PNLIPRP1: variants seen among roughly 807,000 people sequenced by gnomAD.
PNLIPRP1 encodes the protein inactive pancreatic lipase-related protein 1.
In PNLIPRP1, 57 loss-of-function variants were observed where a neutral mutation model predicts 54.6. That is an observed-to-expected ratio of 1.04 (90% CI 0.84 to 1.30). The LOEUF is 1.30. Among genes scored for constraint, PNLIPRP1 ranks in the 50% most tolerant of loss-of-function variants. The probability of loss-of-function intolerance (pLI) is 0.00; values close to 1 mark genes in which losing one functional copy is unlikely to be tolerated. For synonymous variants in PNLIPRP1, 232 were observed against 208.8 expected, an observed-to-expected ratio of 1.11 and a Z score of -0.96; for missense variants, 567 against 568.5, an observed-to-expected ratio of 1.00 and a Z score of 0.03.
intron 10 of PNLIPRP1, among the ~76,000 whole-genome samples, chr10:116,602,571 G>C (rs542237015): frequency 6.6e-6 from 1 of 152,336 alleles, no homozygotes; most frequent in African/African-American, 2.4e-5. Flanking sequence ...AACTACAAGC[G>C]TGTTGGGCTT....
chr10:116,594,799 A>G lies in PNLIPRP1; in HGVS notation c.400A>G (p.Thr134Ala), dbSNP rs1847706041. The G allele has an allele frequency of 6.2e-7, 1 of 1,614,120 alleles. No homozygotes were observed. Among genetic ancestry groups the G allele is most frequent in the African/African-American group, 1.3e-5 (1 of 75,042 alleles). ...DWKKGSQATY[T>A]QAANNVRVVG... is the part of the protein sequence containing the mutation. ...GAAGAAGGGCTCCCAAGCCACCTAC[A>G]CACAGGCTGCCAACAACGTGCGAGT... Residue 134 changes from threonine to alanine, a missense_variant, in exon 5 of 13, where the codon ACA becomes GCA. Thr to Ala is a moderately conservative substitution (Grantham distance 58). Transcript: ENST00000358834.
intron 8 of PNLIPRP1, among the ~76,000 whole-genome samples, chr10:116,599,256 GAAAATAAAATAAAATAAAATAAAAT>G (rs10640431): frequency 3.0e-5 from 4 of 133,842 alleles, no homozygotes; most frequent in African/African-American, 5.7e-5. Flanking sequence ...ACTCCATCTC[GAAAATAAAATAAAATAAAATAAAAT>G]AAAATAAAAT....
At chr10:116,591,535 T>C (rs1564734436) in intron 2 of PNLIPRP1, among the ~76,000 whole-genome samples, 1 of 152,110 alleles carries the variant, frequency 6.6e-6, no homozygotes, top group Admixed American at 6.5e-5. Context: ...GTTTTGAGGG[T>C]AGTTCTAAAC....
rs1554863214 is a variant in PNLIPRP1, at chr10:116,591,839, A to AG, written c.120dup (p.Pro41AlafsTer10). On this transcript the variant is annotated frameshift_variant, in exon 3 of 13. Coordinates refer to ENST00000358834, the MANE Select transcript of PNLIPRP1 (RefSeq NM_006229.4). LOFTEE classifies it high-confidence loss of function. ...TGAGCCCTGGGGCGGGACAGCAATC[A>AG]GGCCCCTGAAAATTCTCCCCTGGAG... The AG allele has an allele frequency of 6.8e-6, 11 of 1,614,196 alleles. No individual in the cohort carries two copies. The East Asian group carries it at 2.5e-4, about 36-fold the overall frequency.
intron 8 of PNLIPRP1, among the ~76,000 whole-genome samples, chr10:116,599,147 C>T (rs2915762): frequency 0.42 from 63,368 of 151,662 alleles, 14,635 homozygotes; most frequent in Non-Finnish European, 0.51. Flanking sequence ...TCCAGCTGCT[C>T]GAGAGGCTGA....
chr10:116,598,714 G>A (rs1847778767), intron 8 of PNLIPRP1, among the ~76,000 whole-genome samples: 1 of 152,200 alleles, frequency 6.6e-6, no homozygotes, highest in South Asian at 2.1e-4. Context: ...ACTGCTATTG[G>A]ATGTGGTTAT....
chr10:116,591,072 G>A (rs186721956), intron 1 of PNLIPRP1, 58 bp from the exon 2 acceptor site: 50 of 1,388,442 alleles, frequency 3.6e-5, no homozygotes, highest in Admixed American at 3.2e-4. Flanking sequence ...CCAGGGCGTC[G>A]GTGCTCACTG....
At chr10:116,591,032 A>G (rs1267470596) in intron 1 of PNLIPRP1, 37 bp downstream of exon 1, 2 of 865,344 alleles carry the variant, frequency 2.3e-6, no homozygotes, top group South Asian at 1.5e-5. Context: ...CCCTGCTGTG[A>G]CGTACAGGTG....
intron 10 of PNLIPRP1, among the ~76,000 whole-genome samples, chr10:116,603,015 T>C (rs1213313188): frequency 1.3e-5 from 2 of 152,166 alleles, no homozygotes; most frequent in South Asian, 2.1e-4. Context: ...TGTGTATATG[T>C]ATTGTGTGTG....
chr10:116,601,250 C>T (rs782696649), intron 10 of PNLIPRP1, 49 bp downstream of exon 10: 93 of 1,550,358 alleles, frequency 6.0e-5, no homozygotes, highest in Non-Finnish European at 7.6e-5. Context: ...TATATAGTTT[C>T]TGTTACAAAT....
intron 8 of PNLIPRP1, 150 bp from the exon 9 acceptor site, chr10:116,599,897 T>C (rs1847802608): frequency 1.5e-6 from 1 of 676,994 alleles, no homozygotes; most frequent in South Asian, 1.7e-5. Context: ...CTCTATATGT[T>C]AATTGTCATT....
rs782732313 is a variant in PNLIPRP1, at chr10:116,592,540, A to G, written c.329A>G (p.Lys110Arg). The G allele has an allele frequency of 6.2e-7, 1 of 1,614,154 alleles. No individual in the cohort carries two copies. The highest frequency in any genetic ancestry group is 8.5e-7 in the Non-Finnish European group (1 of 1,180,010). ...GAGAGCTGGGTGACAGACATGTGCA[A>G]GGTAGGAGCCAGCTCTGATCCCTGT... ...GDESWVTDMCKKLFEVEEVNC... is the reference protein window; with the variant it reads ...GDESWVTDMCRKLFEVEEVNC... Residue 110 changes from lysine to arginine, a missense_variant and splice_region_variant, in exon 4 of 13, where the codon AAG (lysine) becomes AGG (arginine). Coordinates refer to ENST00000358834, the MANE Select transcript of PNLIPRP1 (RefSeq NM_006229.4).
intron 8 of PNLIPRP1, 63 bp from the exon 9 acceptor site, chr10:116,599,984 G>A (rs1352719433): frequency 1.0e-6 from 1 of 987,354 alleles, no homozygotes. Context: ...TTTGGAGAGA[G>A]AGGCAGAGAA....
intron 1 of PNLIPRP1, 26 bp from the exon 2 acceptor site, chr10:116,591,104 C>G (rs1270648013): frequency 6.2e-7 from 1 of 1,606,822 alleles, no homozygotes; most frequent in East Asian, 2.2e-5. Context: ...CCCGGTGAGA[C>G]TGAATTATGT....
chr10:116,599,070 C>T (rs1004262396), intron 8 of PNLIPRP1, among the ~76,000 whole-genome samples: 5 of 152,058 alleles, frequency 3.3e-5, no homozygotes, highest in African/African-American at 9.6e-5. Context: ...GCTTGGCCAA[C>T]ATGGTAAAAC....
In PNLIPRP1 at chr10:116,601,125, T is replaced by G. The variant is rs782680461; in HGVS notation, c.987T>G (p.Ala329=). The change falls in exon 10 of 13, where the codon GCT becomes GCG. Residue 329 remains alanine (A), a synonymous_variant. Coordinates refer to ENST00000358834, the MANE Select transcript of PNLIPRP1 (RefSeq NM_006229.4). ...GATGCCCACAGATGGGTCACTATGCTGATAAATTTGCTGGCAGGACAAGTG... is the reference window on the plus strand; with the variant it reads ...GATGCCCACAGATGGGTCACTATGCGGATAAATTTGCTGGCAGGACAAGTG... ...DQGCPQMGHY[A]DKFAGRTSEE... 1 of 1,614,062 alleles carries G rather than the reference T, an allele frequency of 6.2e-7. No homozygotes were observed. Among genetic ancestry groups the G allele is most frequent in the East Asian group, 2.2e-5 (1 of 44,876 alleles).
intron 3 of PNLIPRP1, 41 bp from the exon 4 acceptor site, chr10:116,592,375 C>T (rs1554863321): frequency 6.4e-7 from 1 of 1,554,376 alleles, no homozygotes; most frequent in East Asian, 2.3e-5. Context: ...GCCTGTGAGG[C>T]TGGGCTGCGA....
intron 4 of PNLIPRP1, among the ~76,000 whole-genome samples, chr10:116,594,078 G>T (rs902477283): frequency 1.3e-5 from 2 of 152,014 alleles, no homozygotes; most frequent in Non-Finnish European, 1.5e-5. Context: ...ATGATTCCAA[G>T]TGCATTTTAA....
intron 8 of PNLIPRP1, 62 bp from the exon 9 acceptor site, chr10:116,599,985 A>G: frequency 1.0e-6 from 1 of 988,976 alleles, no homozygotes; most frequent in Non-Finnish European, 1.6e-6. Flanking sequence ...TTGGAGAGAG[A>G]GGCAGAGAAG....
Sources: allele counts gnomAD v4.1 joint callset (sites outside exome capture counted in the v4.1 genomes callset), GRCh38; gene constraint gnomAD v4.1.1; transcripts MANE v1.5; gene names NCBI Gene and HGNC (gene_info 2026-07-23, HGNC 2026-07-21).